Variants in CTC1 observed in about 807,000 individuals in gnomAD.
CTC1 encodes the protein CST complex subunit CTC1.
Under a neutral mutation model 136.3 loss-of-function variants are expected in CTC1, and 91 were observed. That is an observed-to-expected ratio of 0.67 (90% CI 0.56 to 0.79). CTC1 has a LOEUF of 0.79. CTC1 is among the 30% of genes least tolerant of loss of function. The pLI is 0.00. For synonymous variants in CTC1, 606 were observed against 613.8 expected (o/e 0.99, Z 0.19); for missense variants, 1,432 against 1,498.1 (o/e 0.96, Z 0.73).
Position 8,228,806 on chromosome 17 carries a change from T to C in CTC1, c.3308A>G (p.Glu1103Gly). The change falls in exon 21 of 23, where the codon GAG becomes GGG. Residue 1103 changes from glutamate (E) to glycine (G), a missense_variant. Transcript: ENST00000651323. ...VAAALGLCPR[E>G]WASLLDFVQV... is the part of the protein sequence containing the mutation. ...GACGAAATCTAGGAGGGAGGCCCACTCTCTAGGACACAGCCCTAGTGCTGC... is the reference window on the plus strand; with the variant it reads ...GACGAAATCTAGGAGGGAGGCCCACCCTCTAGGACACAGCCCTAGTGCTGC... 6.2e-7 allele frequency: 1 copy of C among 1,614,002 alleles called. No homozygotes were observed. The highest frequency in any genetic ancestry group is 8.5e-7 in the Non-Finnish European group (1 of 1,179,978).
chr17:8,228,241 C>T lies in CTC1; in HGVS notation c.3593G>A (p.Cys1198Tyr). 1.9e-6 allele frequency: 3 copies of T among 1,614,090 alleles called. No homozygotes were observed. The highest frequency in any genetic ancestry group is 1.1e-5 in the South Asian group (1 of 91,080). ...GTACTCTGACTCTCGGATAGAAAGGCAGGACAATCGGAGCCTGGGGTTCAC... is the reference window on the plus strand; with the variant it reads ...GTACTCTGACTCTCGGATAGAAAGGTAGGACAATCGGAGCCTGGGGTTCAC... Reference protein sequence around the residue: ...THVNPRLRLSCLSIRESEYSS... With the variant: ...THVNPRLRLSYLSIRESEYSS... The change falls in exon 23 of 23, where the codon TGC becomes TAC. Residue 1198 changes from cysteine to tyrosine, a missense_variant. Physicochemically the swap from Cys to Tyr is radical, Grantham distance 194. Coordinates refer to ENST00000651323, the MANE Select transcript of CTC1 (RefSeq NM_025099.6).
intron 2 of CTC1, among the ~76,000 whole-genome samples, chr17:8,239,307 G>C (rs979802774): frequency 2.0e-5 from 3 of 152,014 alleles, no homozygotes; most frequent in African/African-American, 4.8e-5. Flanking sequence ...TAACTCCAGA[G>C]AGAACTTAAT....
rs541328828 is a variant in CTC1 at position 8,226,687 on chromosome 17, A to G, written c.*1493T>C. ...CCATCGCCTTAACCACTCGGCCACGACTACGAGGCTTAGGGCTTCGTTTTC... is the reference window on the plus strand; with the variant it reads ...CCATCGCCTTAACCACTCGGCCACGGCTACGAGGCTTAGGGCTTCGTTTTC... On this transcript the variant is annotated 3_prime_UTR_variant, in exon 23 of 23. Transcript: ENST00000651323. 2.0e-5 allele frequency: 3 copies of G among 152,306 alleles called. No homozygotes were observed. Among genetic ancestry groups the G allele is most frequent in the East Asian group, 1.9e-4 (1 of 5,180 alleles). The allele number at this position is 152,306 out of a possible 1,614,324, so 9.4% of individuals were successfully genotyped here.
Position 8,226,323 on chromosome 17 carries a change from G to C in CTC1, c.*1857C>G. The stretch of plus-strand genomic sequence containing the variant: ...GCCACGGCGCCGAAGCTGCCATAAA[G>C]GTTCCTGAAATTCATCTACAAGAAT... On this transcript the variant is annotated 3_prime_UTR_variant, in exon 23 of 23. Transcript: ENST00000651323. The C allele has an allele frequency of 6.6e-6, 1 of 152,172 alleles. No individual in the cohort carries two copies. Among genetic ancestry groups the C allele is most frequent in the East Asian group, 1.9e-4 (1 of 5,200 alleles). The allele number at this position is 152,172 out of a possible 1,614,324, so 9.4% of individuals were successfully genotyped here.
chr17:8,232,764 T>C (rs747245131), intron 11 of CTC1, 142 bp downstream of exon 11: 18 of 1,132,792 alleles, frequency 1.6e-5, no homozygotes, highest in Non-Finnish European at 2.3e-5. Context: ...CTGCCTGCCA[T>C]ACAAGTCTCC....
At chr17:8,246,206 CA>C (rs57484918) in intron 1 of CTC1, among the ~76,000 whole-genome samples, 1,913 of 87,300 alleles carry the variant, frequency 0.022, 28 homozygotes, top group African/African-American at 0.081. Flanking sequence ...GACCTTGTTT[CA>C]AAAAAAAAAA....
In CTC1 at chr17:8,247,994, C is replaced by T. The variant is rs1181911576; in HGVS notation, c.33+10G>A. On this transcript the variant is annotated intron_variant, in intron 1 of 22. Coordinates refer to ENST00000651323, the MANE Select transcript of CTC1 (RefSeq NM_025099.6). The stretch of plus-strand genomic sequence containing the variant: ...AAAAAAGGAACAAGAGACGTAATAG[C>T]AGCACTCACGGAGGAAGGGACCTGG... 1 of 1,610,510 alleles carries T rather than the reference C, an allele frequency of 6.2e-7. No homozygotes were observed. Among genetic ancestry groups the T allele is most frequent in the East Asian group, 2.2e-5 (1 of 44,724 alleles).
rs374298095 is a variant in CTC1 at position 8,232,154 on chromosome 17, G to T, written c.2134C>A (p.Pro712Thr). 3 of 1,524,716 alleles carry T rather than the reference G, an allele frequency of 2.0e-6. No individual in the cohort carries two copies. The highest frequency in any genetic ancestry group is 2.6e-6 in the Non-Finnish European group (3 of 1,140,184). The allele number at this position is 1,524,716 out of a possible 1,614,324, so 94.4% of individuals were successfully genotyped here. Residue 712 changes from proline to threonine, a missense_variant, in exon 13 of 23, where the codon CCC becomes ACC. Coordinates refer to ENST00000651323, the MANE Select transcript of CTC1 (RefSeq NM_025099.6). Reference sequence around the variant, plus strand: ...GTGGGATCTGTCTGAGGTGTTGAGGGTGTTGCTGAATGAAGGCAGGGTCTG... The same window carrying T: ...GTGGGATCTGTCTGAGGTGTTGAGGTTGTTGCTGAATGAAGGCAGGGTCTG... ...VPRPCLHSAT[P>T]STPQTDPTGP...
chr17:8,229,314 G>A lies in CTC1; in HGVS notation c.3144C>T (p.Ser1048=). 6.2e-7 allele frequency: 1 copy of A among 1,614,186 alleles called. No homozygotes were observed. The highest frequency in any genetic ancestry group is 8.5e-7 in the Non-Finnish European group (1 of 1,180,032). Residue 1048 remains serine, a synonymous_variant, in exon 19 of 23, where the codon AGC becomes AGT. Transcript: ENST00000651323. ...TTCCCTCCCTTACCTGCCGGCAGAT[G>A]CTGGTACAATAAGCACACACCCAGA... ...QLFWVCAYCT[S]ICRQGKCTRL...
chr17:8,230,457 C>T lies in CTC1; in HGVS notation c.2770G>A (p.Ala924Thr), dbSNP rs376358881. 6.8e-6 allele frequency: 11 copies of T among 1,613,526 alleles called. No individual in the cohort carries two copies. In the African/African-American group the frequency reaches 1.3e-4, roughly 20 times the overall value. Residue 924 changes from alanine to threonine, a missense_variant, in exon 17 of 23, where the codon GCC (alanine) becomes ACC (threonine). Ala to Thr is a moderately conservative substitution (Grantham distance 58, BLOSUM62 0). Transcript: ENST00000651323. ...GTTAGCTTCACACACCTTCTCATGG[C>T]CCCCGTGTTCCCTATAGAAGGAAGG... ...SLWMKLGNTG[A>T]MRRCVKLTVA...
Position 8,229,176 on chromosome 17 carries a change from G to A in CTC1, c.3187C>T (p.Pro1063Ser), listed in dbSNP as rs571581870. 4 of 1,614,132 alleles carry A rather than the reference G, an allele frequency of 2.5e-6. No homozygotes were observed. Among genetic ancestry groups the A allele is most frequent in the Admixed American group, 3.3e-5 (2 of 60,026 alleles). The change falls in exon 20 of 23, where the codon CCT becomes TCT. Residue 1063 changes from proline to serine, a missense_variant. Pro to Ser is a moderately conservative substitution (Grantham distance 74). Transcript: ENST00000651323. ...GKCTRLGSTCPTQTAISQAII... is the reference protein window; with the variant it reads ...GKCTRLGSTCSTQTAISQAII... ...GCCTGGCTTATAGCTGTCTGCGTAG[G>A]GCAAGTGGAGCCCAGGCGAGTGCAC...
intron 17 of CTC1, 79 bp downstream of exon 17, chr17:8,230,215 A>G: frequency 7.0e-7 from 1 of 1,426,436 alleles, no homozygotes; most frequent in African/African-American, 1.4e-5. Context: ...GGGTCGCTGC[A>G]GCAAAGTTAA....
At position 8,234,497 on chromosome 17, in the gene CTC1, C is replaced by T. The variant is rs1367093862; in HGVS notation, c.1776G>A (p.Trp592Ter). ...CAGAGGGCAGCAGACAGAGCCAGGACCAAGCCAGGCGGCGATTGAGTTGGC... is the reference window on the plus strand; with the variant it reads ...CAGAGGGCAGCAGACAGAGCCAGGATCAAGCCAGGCGGCGATTGAGTTGGC... ...PSCQLNRRLAWSWLCLLPSAF... is the reference protein window; with the variant it reads ...PSCQLNRRLA The change falls in exon 10 of 23, where the codon TGG (tryptophan) becomes TGA (stop). Residue 592 changes from tryptophan (W) to a stop codon, truncating the protein, a stop_gained. Transcript: ENST00000651323. LOFTEE classifies it high-confidence loss of function. 2 of 1,553,608 alleles carry T rather than the reference C, an allele frequency of 1.3e-6. No individual in the cohort carries two copies. The highest frequency in any genetic ancestry group is 2.4e-5 in the East Asian group (1 of 41,092).
Position 8,243,022 on chromosome 17 carries a change from C to G in CTC1, c.160G>C (p.Gly54Arg). The change falls in exon 2 of 23, where the codon GGA becomes CGA. Residue 54 changes from glycine to arginine, a missense_variant. Transcript: ENST00000651323. ...GGCAGTGTAGAACCTTGGTTCCTTC[C>G]CTGGGACAACCAGACAGTCTTCACA... Reference protein sequence around the residue: ...DCVKTVWLSQGRNQGSTLPLS... With the variant: ...DCVKTVWLSQRRNQGSTLPLS... The G allele has an allele frequency of 1.1e-5, 17 of 1,613,460 alleles. No individual in the cohort carries two copies. The highest frequency in any genetic ancestry group is 1.4e-5 in the Non-Finnish European group (17 of 1,179,756).
intron 2 of CTC1, among the ~76,000 whole-genome samples, chr17:8,242,552 A>AT (rs1988348762): frequency 2.0e-4 from 8 of 39,886 alleles, no homozygotes; most frequent in South Asian, 6.5e-4. Context: ...AAAAAAAAAA[A>AT]AATATATATA....
In CTC1 at chr17:8,228,799, G is replaced by A. The variant is rs779530804; in HGVS notation, c.3315C>T (p.Ala1105=). The A allele has an allele frequency of 1.9e-6, 3 of 1,614,166 alleles. No homozygotes were observed. The highest frequency in any genetic ancestry group is 1.7e-6 in the Non-Finnish European group (2 of 1,180,022). Residue 1105 remains alanine (A), a synonymous_variant, in exon 21 of 23, where the codon GCC becomes GCT. Transcript: ENST00000651323. ...GCACTTGGACGAAATCTAGGAGGGAGGCCCACTCTCTAGGACACAGCCCTA... is the reference window on the plus strand; with the variant it reads ...GCACTTGGACGAAATCTAGGAGGGAAGCCCACTCTCTAGGACACAGCCCTA... ...AALGLCPREW[A]SLLDFVQVPG... is the part of the protein sequence containing the mutation.
chr17:8,231,833 A>G lies in CTC1; in HGVS notation c.2386-18T>C. On this transcript the variant is annotated intron_variant, in intron 13 of 22. Coordinates refer to ENST00000651323, the MANE Select transcript of CTC1 (RefSeq NM_025099.6). ...AGGTGAACCTGGGAGGATGGAGAGCAAAGTGCTGGGATCCTAGCCAGAGGC... is the reference window on the plus strand; with the variant it reads ...AGGTGAACCTGGGAGGATGGAGAGCGAAGTGCTGGGATCCTAGCCAGAGGC... The G allele has an allele frequency of 6.2e-7, 1 of 1,614,110 alleles. No individual in the cohort carries two copies. The highest frequency in any genetic ancestry group is 1.3e-5 in the African/African-American group (1 of 75,060).
At chr17:8,231,224 T>G in intron 15 of CTC1, 52 bp downstream of exon 15, 2 of 1,391,758 alleles carry the variant, frequency 1.4e-6, no homozygotes, top group Non-Finnish European at 1.9e-6. Flanking sequence ...CCAGCTAGCT[T>G]GGGAGAAGAG....
intron 2 of CTC1, among the ~76,000 whole-genome samples, chr17:8,242,716 T>C (rs1323093740): frequency 2.6e-5 from 4 of 151,814 alleles, no homozygotes; most frequent in African/African-American, 9.7e-5. Flanking sequence ...ACCAGCCTCT[T>C]TCCCCACTTC....
Sources: gnomAD v4.1 joint callset for allele counts (sites outside exome capture counted in the v4.1 genomes callset) on GRCh38, gnomAD v4.1.1 for gene constraint, MANE v1.5 for transcripts, NCBI Gene and HGNC (gene_info 2026-07-23, HGNC 2026-07-21) for gene names.